Variants in SIRPA observed in about 807,000 individuals in gnomAD.
The protein encoded by SIRPA is tyrosine-protein phosphatase non-receptor type substrate 1.
Under a neutral mutation model 50.3 loss-of-function variants are expected in SIRPA, and 9 were observed. The observed-to-expected ratio is 0.18, with a 90% CI of 0.11 to 0.31. The LOEUF (loss-of-function observed/expected upper bound fraction) is 0.31. SIRPA is among the 10% of genes least tolerant of loss of function. The pLI, the probability that SIRPA is intolerant of heterozygous loss-of-function variation, is 1.00. For synonymous variants in SIRPA, 265 were observed against 284.1 expected (o/e 0.93, Z 0.68); for missense variants, 474 against 661.6 (o/e 0.72, Z 3.11).
In SIRPA at chr20:1,895,432, T is replaced by C. The variant is rs1983733253; in HGVS notation, c.-16T>C. On this transcript the variant is annotated 5_prime_UTR_variant, in exon 1 of 8. Coordinates refer to ENST00000358771, the MANE Select transcript of SIRPA (RefSeq NM_001040023.2). ...ACTCACGGCCGCTCTCCCTCCTCGCTCCGCAGCCGCGGCCCATGGAGCCCG... is the reference window on the plus strand; with the variant it reads ...ACTCACGGCCGCTCTCCCTCCTCGCCCCGCAGCCGCGGCCCATGGAGCCCG... 5 of 1,391,112 alleles carry C rather than the reference T, an allele frequency of 3.6e-6. No individual in the cohort carries two copies. Among genetic ancestry groups the C allele is most frequent in the African/African-American group, 1.5e-5 (1 of 65,618 alleles). The allele number at this position is 1,391,112 out of a possible 1,614,324, so 86.2% of individuals were successfully genotyped here.
chr20:1,917,799 ATAT>A (rs1342756589), intron 2 of SIRPA, among the ~76,000 whole-genome samples: 1 of 152,066 alleles, frequency 6.6e-6, no homozygotes, highest in Non-Finnish European at 1.5e-5. Context: ...GCAAGAGTTT[ATAT>A]TATCCCCTCA....
In SIRPA at chr20:1,915,443, C is replaced by A. The variant is rs1271295016; in HGVS notation, c.424C>A (p.Leu142Met). Residue 142 changes from leucine (L) to methionine (M), a missense_variant, in exon 2 of 8, where the codon CTG (leucine) becomes ATG (methionine). Physicochemically the swap from Leu to Met is conservative, Grantham distance 15. Transcript: ENST00000358771. ...VEFKSGAGTE[L>M]SVRAKPSAPV... is the part of the protein sequence containing the mutation. ...GTTTAAGTCTGGAGCAGGCACTGAG[C>A]TGTCTGTGCGCGGTGAGTACAGCGT... The A allele has an allele frequency of 6.2e-7, 1 of 1,613,236 alleles. No homozygotes were observed. The highest frequency in any genetic ancestry group is 1.7e-5 in the Admixed American group (1 of 59,986).
intron 6 of SIRPA, among the ~76,000 whole-genome samples, chr20:1,929,702 G>T (rs534604777): frequency 7.4e-4 from 113 of 152,204 alleles, no homozygotes; most frequent in African/African-American, 2.5e-3. Flanking sequence ...AAGCAGAGCC[G>T]CCTCTCCAGC....
At position 1,936,316 on chromosome 20, in the gene SIRPA, G is replaced by A. The variant is rs567945518; in HGVS notation, c.1267-1004G>A. 2.6e-5 allele frequency among the ~76,000 whole-genome samples: 4 copies of A among 152,180 alleles called. No homozygotes were observed. The highest frequency in any genetic ancestry group is 2.6e-4 in the Admixed American group (4 of 15,278). On this transcript the variant is annotated intron_variant, in intron 7 of 7. Coordinates refer to ENST00000358771, the MANE Select transcript of SIRPA (RefSeq NM_001040023.2). The surrounding 1 kb of genome is among the most constrained non-coding windows in gnomAD (Gnocchi z 4.2). ...AGTTTGCTAAGTGGTTAATGATTGC[G>A]AACATTTATTGAAGACAGATGCTCA...
At chr20:1,929,251 G>C (rs896696425) in intron 6 of SIRPA, among the ~76,000 whole-genome samples, 13 of 152,108 alleles carry the variant, frequency 8.5e-5, no homozygotes, top group Admixed American at 7.2e-4. Flanking sequence ...CAGACTACAG[G>C]AGGTGAGGAT....
At chr20:1,926,761 A>C (rs911809286) in intron 5 of SIRPA, among the ~76,000 whole-genome samples, 1 of 152,204 alleles carries the variant, frequency 6.6e-6, no homozygotes, top group Admixed American at 6.5e-5. Flanking sequence ...TGGTGGGGCC[A>C]GAATTTAAAC....
At chr20:1,920,268 C>T (rs1985571000) in intron 2 of SIRPA, among the ~76,000 whole-genome samples, 1 of 152,220 alleles carries the variant, frequency 6.6e-6, no homozygotes, top group Admixed American at 6.5e-5. Context: ...AGGCCGCTGG[C>T]CTCAATGACT....
intron 1 of SIRPA, among the ~76,000 whole-genome samples, chr20:1,900,291 G>A (rs552163287): frequency 1.3e-5 from 2 of 152,076 alleles, no homozygotes; most frequent in African/African-American, 4.8e-5. Context: ...GTAGAGACAA[G>A]GTTTCTCCGT....
At chr20:1,894,356 G>A (rs990478026), upstream of SIRPA, 4 of 151,900 alleles carry the variant, frequency 2.6e-5, no homozygotes, top group Non-Finnish European at 2.9e-5. The surrounding 1 kb of genome is among the most constrained non-coding windows in gnomAD (Gnocchi z 4.0). Context: ...GAGGCGAGGG[G>A]AGGTCGGCCG....
At chr20:1,923,712 C>T (rs73069288) in intron 4 of SIRPA, among the ~76,000 whole-genome samples, 1 of 152,176 alleles carries the variant, frequency 6.6e-6, no homozygotes, top group Non-Finnish European at 1.5e-5. Context: ...ATGTGTAGGG[C>T]ATTGGGAGAC....
intron 1 of SIRPA, among the ~76,000 whole-genome samples, chr20:1,906,696 G>A (rs760881671): frequency 1.1e-4 from 17 of 152,136 alleles, no homozygotes; most frequent in African/African-American, 2.2e-4. Flanking sequence ...AAGGAGGAAC[G>A]TCACCTGACT....
Position 1,898,059 on chromosome 20 carries a change from C to T in SIRPA, c.79+2533C>T, listed in dbSNP as rs1459014063. Among the ~76,000 whole-genome samples the T allele has an allele frequency of 6.6e-6, 1 of 152,206 alleles. No individual in the cohort carries two copies. The highest frequency in any genetic ancestry group is 1.9e-4 in the East Asian group (1 of 5,184). On this transcript the variant is annotated intron_variant, in intron 1 of 7. Transcript: ENST00000358771. The surrounding 1 kb of genome is among the most constrained non-coding windows in gnomAD (Gnocchi z 4.3). ...TAGGCCTTGAGACCTCTGAGTCACC[C>T]CCCAGGCCGACCTCAGATAAACTCC...
chr20:1,907,064 G>A (rs776588847), intron 1 of SIRPA, among the ~76,000 whole-genome samples: 19 of 152,186 alleles, frequency 1.2e-4, no homozygotes, highest in Non-Finnish European at 1.5e-5. Context: ...CCCAGAACCT[G>A]AGCTCTGGAC....
chr20:1,922,470 G>T lies in SIRPA; in HGVS notation c.912G>T (p.Glu304Asp), dbSNP rs2422667. 8 of 1,614,238 alleles carry T rather than the reference G, an allele frequency of 5.0e-6. No individual in the cohort carries two copies. Among genetic ancestry groups the T allele is most frequent in the Non-Finnish European group, 5.9e-6 (7 of 1,180,052 alleles). ...CAGAAACGGCCTCAACCGTTACAGA[G>T]AACAAGGATGGTACCTACAACTGGA... The part of the protein sequence containing the change: ...SRTETASTVT[E>D]NKDGTYNWMS... Residue 304 changes from glutamate (E) to aspartate (D), a missense_variant, in exon 4 of 8, where the codon GAG (glutamate) becomes GAT (aspartate). Around this residue, in one of 4 missense-constraint regions of SIRPA, gnomAD observed 221 missense variants for 359.9 expected, o/e 0.61. Transcript: ENST00000358771.
intron 1 of SIRPA, among the ~76,000 whole-genome samples, chr20:1,907,499 T>C (rs1280914284): frequency 2.0e-5 from 3 of 152,240 alleles, no homozygotes. Context: ...CCTCTGCGTC[T>C]TTGCTCATGT....
intron 1 of SIRPA, among the ~76,000 whole-genome samples, chr20:1,901,466 C>T (rs963400646): frequency 6.5e-4 from 99 of 152,104 alleles, no homozygotes; most frequent in African/African-American, 2.1e-3. Context: ...CCACTGCACC[C>T]GGCCTCCTCT....
In SIRPA at chr20:1,930,934, A is replaced by T. The variant is rs533703636; in HGVS notation, c.1226+3035A>T. Among the ~76,000 whole-genome samples, 3 of 152,334 alleles carry T rather than the reference A, an allele frequency of 2.0e-5. No individual in the cohort carries two copies. In the South Asian group the frequency reaches 6.2e-4, roughly 32 times the overall value. On this transcript the variant is annotated intron_variant, in intron 6 of 7. Coordinates refer to ENST00000358771, the MANE Select transcript of SIRPA (RefSeq NM_001040023.2). Reference sequence around the variant, plus strand: ...CTTGTCTTACCTCCCCGATTAGACAATGAGTTTCTGGAAGAATAGGACATT... The same window carrying T: ...CTTGTCTTACCTCCCCGATTAGACATTGAGTTTCTGGAAGAATAGGACATT...
Position 1,936,488 on chromosome 20 carries a change from CCT to C in SIRPA, c.1267-831_1267-830del, listed in dbSNP as rs1356380107. 3.3e-5 allele frequency among the ~76,000 whole-genome samples: 5 copies of C among 152,116 alleles called. No individual in the cohort carries two copies. Among genetic ancestry groups the C allele is most frequent in the African/African-American group, 9.7e-5 (4 of 41,418 alleles). On this transcript the variant is annotated intron_variant, in intron 7 of 7. Transcript: ENST00000358771. The surrounding 1 kb of genome is among the most constrained non-coding windows in gnomAD (Gnocchi z 4.2). ...GAGGTTAAGTGAATTGCTCAAAATCCCTGAGCTAGAACCAGGATTCAAACCCA... is the reference window on the plus strand; with the variant it reads ...GAGGTTAAGTGAATTGCTCAAAATCCGAGCTAGAACCAGGATTCAAACCCA...
At chr20:1,895,767 T>A (rs1001913596) in intron 1 of SIRPA, among the ~76,000 whole-genome samples, 1 of 152,234 alleles carries the variant, frequency 6.6e-6, no homozygotes, top group Non-Finnish European at 1.5e-5. Context: ...ACTCTGACTC[T>A]GTGCACTGTG....
Sources: gnomAD v4.1 joint callset for allele counts (sites outside exome capture counted in the v4.1 genomes callset) on GRCh38, gnomAD v4.1.1 for gene constraint, gnomAD v4.1.1 regional missense constraint, Gnocchi (gnomAD v3.1) non-coding constraint, MANE v1.5 for transcripts, NCBI Gene and HGNC (gene_info 2026-07-23, HGNC 2026-07-21) for gene names.